Variants in STXBP4 observed in about 807,000 individuals in gnomAD.
STXBP4 encodes the protein syntaxin binding protein 4, also known as syntaxin-binding protein 4.
In STXBP4, 55 loss-of-function variants were observed where a neutral mutation model predicts 76.1. That is an observed-to-expected ratio of 0.72 (90% CI 0.58 to 0.91). The LOEUF (loss-of-function observed/expected upper bound fraction) is 0.91, where lower values mean the gene tolerates loss of function less well. STXBP4 is among the 40% of genes least tolerant of loss of function. The probability of loss-of-function intolerance (pLI) is 0.00; values close to 1 mark genes in which losing one functional copy is unlikely to be tolerated. For synonymous variants in STXBP4, 201 were observed against 220.2 expected (o/e 0.91, Z 0.77); for missense variants, 618 against 636.9 (o/e 0.97, Z 0.32).
intron 16 of STXBP4, among the ~76,000 whole-genome samples, chr17:55,119,451 TA>T (rs1165858348): frequency 2.0e-5 from 3 of 152,038 alleles, no homozygotes; most frequent in Non-Finnish European, 4.4e-5. Flanking sequence ...TGGATTATTT[TA>T]TAACCATTCT....
chr17:55,146,349 C>G (rs756186254), intron 17 of STXBP4, among the ~76,000 whole-genome samples: 2 of 152,178 alleles, frequency 1.3e-5, no homozygotes, highest in Non-Finnish European at 2.9e-5. Flanking sequence ...CTGGATTACT[C>G]TCTCACTTTC....
intron 12 of STXBP4, among the ~76,000 whole-genome samples, chr17:55,061,204 G>C (rs1009550428): frequency 6.6e-6 from 1 of 152,176 alleles, no homozygotes; most frequent in Non-Finnish European, 1.5e-5. Context: ...TTCAGATGAA[G>C]CAACAAAGGA....
rs188178169 is a variant in STXBP4, at chr17:55,030,075, A to C, written c.667-1093A>C. On this transcript the variant is annotated intron_variant, in intron 8 of 17. Coordinates refer to ENST00000376352, the MANE Select transcript of STXBP4 (RefSeq NM_178509.6). ...GACATCCAATTAGTCCCTTTGTGTT[A>C]GTTAAGATTAGATTTTGCTATATAT... Among the ~76,000 whole-genome samples, 197 of 152,302 alleles carry C rather than the reference A, an allele frequency of 1.3e-3. 1 individual carries two copies. Among genetic ancestry groups the C allele is most frequent in the Non-Finnish European group, 3.7e-4 (25 of 68,012 alleles).
chr17:55,020,132 C>A (rs1232074699), intron 8 of STXBP4, among the ~76,000 whole-genome samples: 1 of 152,020 alleles, frequency 6.6e-6, no homozygotes, highest in South Asian at 2.1e-4. Context: ...TATCTGTTAC[C>A]CGTTCAATTA....
intron 10 of STXBP4, among the ~76,000 whole-genome samples, chr17:55,039,710 G>C (rs1459357666): frequency 3.3e-5 from 5 of 151,666 alleles, no homozygotes; most frequent in African/African-American, 1.2e-4. Context: ...CTGACCCTTT[G>C]GACATGAGAA....
At position 54,999,653 on chromosome 17, in the gene STXBP4, A is replaced by G. The variant is rs868809747; in HGVS notation, c.309A>G (p.Ile103Met). The G allele has an allele frequency of 1.9e-6, 3 of 1,613,726 alleles. No homozygotes were observed. The Middle Eastern group carries it at 5.0e-4, about 266-fold the overall frequency. Residue 103 changes from isoleucine to methionine, a missense_variant, in exon 6 of 18, where the codon ATA (isoleucine) becomes ATG (methionine). Physicochemically the swap from Ile to Met is conservative, Grantham distance 10 (BLOSUM62 1). Coordinates refer to ENST00000376352, the MANE Select transcript of STXBP4 (RefSeq NM_178509.6). ...CTAGGTTAGAATCTGCTTGGGAGAT[A>G]GCATTCATAAGACAAAAATCCGACA... is the stretch of plus-strand genomic sequence containing the variant. ...AKLRLESAWE[I>M]AFIRQKSDNI...
intron 16 of STXBP4, among the ~76,000 whole-genome samples, chr17:55,112,985 T>G (rs2079738749): frequency 6.6e-6 from 1 of 152,086 alleles, no homozygotes; most frequent in South Asian, 2.1e-4. Flanking sequence ...GAAGAGAAAT[T>G]TCAGTAGATT....
At chr17:55,007,403 C>A in intron 7 of STXBP4, 103 bp from the exon 8 acceptor site, 1 of 809,210 alleles carries the variant, frequency 1.2e-6, no homozygotes, top group Non-Finnish European at 2.1e-6. Context: ...AACTGATTAG[C>A]TAGAATTATT....
At chr17:55,213,114 T>C in the STXBP4 span, among the ~76,000 whole-genome samples, 3 of 151,754 alleles carry the variant, frequency 2.0e-5, no homozygotes, top group East Asian at 3.9e-4. Flanking sequence ...CAGCAGAGAG[T>C]AGATGCGGTG....
Position 54,999,349 on chromosome 17 carries a change from G to T in STXBP4, c.185G>T (p.Gly62Val), listed in dbSNP as rs1220990772. 4 of 1,607,154 alleles carry T rather than the reference G, an allele frequency of 2.5e-6. No individual in the cohort carries two copies. The highest frequency in any genetic ancestry group is 3.4e-6 in the Non-Finnish European group (4 of 1,177,634). ...AAATGTTACTGTTTTTGTTAGGATG[G>T]TCGTTTGAAGCCAGGAGATCAACTT... Reference protein sequence around the residue: ...IIPGGDCYKDGRLKPGDQLVS... With the variant: ...IIPGGDCYKDVRLKPGDQLVS... Residue 62 changes from glycine (G) to valine (V), a missense_variant, in exon 5 of 18, where the codon GGT becomes GTT. Coordinates refer to ENST00000376352, the MANE Select transcript of STXBP4 (RefSeq NM_178509.6).
Position 55,078,187 on chromosome 17 carries a change from T to A in STXBP4, c.1298T>A (p.Phe433Tyr). 2 of 1,605,764 alleles carry A rather than the reference T, an allele frequency of 1.2e-6. No individual in the cohort carries two copies. The highest frequency in any genetic ancestry group is 2.2e-5 in the South Asian group (2 of 89,654). Residue 433 changes from phenylalanine to tyrosine, a missense_variant, in exon 14 of 18, where the codon TTT becomes TAT. Physicochemically the swap from Phe to Tyr is conservative, Grantham distance 22 (BLOSUM62 3). Transcript: ENST00000376352. ...FEASTEKLLH[F>Y]VEAIQEVFSD... ...GCATCCACTGAAAAGCTTCTTCATTTTGTAGAGGTAAGTTTTTCTGTTCTA... is the reference window on the plus strand; with the variant it reads ...GCATCCACTGAAAAGCTTCTTCATTATGTAGAGGTAAGTTTTTCTGTTCTA...
chr17:55,067,293 C>T (rs58949788), intron 12 of STXBP4, among the ~76,000 whole-genome samples: 3,183 of 151,366 alleles, frequency 0.021, 85 homozygotes, highest in East Asian at 0.15. Flanking sequence ...TAATTACAGA[C>T]GACAAATCTA....
intron 17 of STXBP4, among the ~76,000 whole-genome samples, chr17:55,146,870 G>A (rs1300517886): frequency 6.6e-6 from 1 of 152,188 alleles, no homozygotes; most frequent in African/African-American, 2.4e-5. Context: ...CTTCCTTGAA[G>A]TAAGGGACAA....
At chr17:55,179,841 A>T in the STXBP4 span, among the ~76,000 whole-genome samples, 1 of 152,204 alleles carries the variant, frequency 6.6e-6, no homozygotes, top group Non-Finnish European at 1.5e-5. Flanking sequence ...TCAGTGTGTT[A>T]TTATCAGACT....
chr17:55,207,112 C>T, the STXBP4 span, among the ~76,000 whole-genome samples: 5 of 152,138 alleles, frequency 3.3e-5, no homozygotes, highest in Admixed American at 6.5e-5. Flanking sequence ...CTCTTTGGAG[C>T]AGATTTCTGT....
intron 16 of STXBP4, among the ~76,000 whole-genome samples, chr17:55,136,051 G>A (rs1003618638): frequency 9.2e-5 from 14 of 152,080 alleles, no homozygotes; most frequent in Non-Finnish European, 1.2e-4. Context: ...CCTCAGTTTC[G>A]TCTCTGCAAA....
chr17:54,988,547 G>T (rs1598161527), intron 3 of STXBP4, among the ~76,000 whole-genome samples: 1 of 152,166 alleles, frequency 6.6e-6, no homozygotes, highest in East Asian at 1.9e-4. Flanking sequence ...GCCGAGGCGG[G>T]TGGATCACTT....
rs918210273 is a variant in STXBP4 at position 55,173,373 on chromosome 17, G to A, written c.*13462G>A. 3.9e-5 allele frequency: 6 copies of A among 152,048 alleles called. No homozygotes were observed. Among genetic ancestry groups the A allele is most frequent in the Non-Finnish European group, 5.9e-5 (4 of 68,022 alleles). The allele number at this position is 152,048 out of a possible 1,614,324, so 9.4% of individuals were successfully genotyped here. On this transcript the variant is annotated 3_prime_UTR_variant, in exon 18 of 18. Coordinates refer to ENST00000376352, the MANE Select transcript of STXBP4 (RefSeq NM_178509.6). ...CCTGGCAATTACTGCTCTATTCTCC[G>A]TAACTGTAGTTTTGCCTTTTCGAGA... is the stretch of plus-strand genomic sequence containing the variant.
At chr17:55,080,593 G>A (rs534100058) in intron 15 of STXBP4, among the ~76,000 whole-genome samples, 24 of 151,698 alleles carry the variant, frequency 1.6e-4, no homozygotes, top group African/African-American at 5.6e-4. Context: ...GGCAAAAAAT[G>A]GAATAATTTA....
Sources: allele counts gnomAD v4.1 joint callset (sites outside exome capture counted in the v4.1 genomes callset), GRCh38; gene constraint gnomAD v4.1.1; transcripts MANE v1.5; gene names NCBI Gene and HGNC (gene_info 2026-07-23, HGNC 2026-07-21).